PTPRD: variants seen among roughly 807,000 people sequenced by gnomAD.
PTPRD encodes the protein protein tyrosine phosphatase receptor type D, also known as receptor-type tyrosine-protein phosphatase delta.
Under a neutral mutation model 214.5 loss-of-function variants are expected in PTPRD, and 34 were observed. The observed-to-expected ratio is 0.16, with a 90% CI of 0.12 to 0.21. The LOEUF is 0.21. Ranked by LOEUF, PTPRD falls within the 10% of genes least tolerant of loss-of-function variation. The pLI is 1.00. For synonymous variants in PTPRD, 1,128 were observed against 845.7 expected, an observed-to-expected ratio of 1.33 and a Z score of -5.79; for missense variants, 2,545 against 2,398.7, an observed-to-expected ratio of 1.06 and a Z score of -1.27.
At chr9:8,822,101 G>C (rs2097080644) in intron 11 of PTPRD, among the ~76,000 whole-genome samples, 1 of 152,184 alleles carries the variant, frequency 6.6e-6, no homozygotes, top group South Asian at 2.1e-4. Context: ...TTTTGGTTTT[G>C]GTTTTGTTTT....
chr9:9,439,732 A>G (rs570958813), intron 8 of PTPRD, among the ~76,000 whole-genome samples: 3 of 152,342 alleles, frequency 2.0e-5, no homozygotes, highest in African/African-American at 4.8e-5. Flanking sequence ...CCTAAAGACT[A>G]TCACTGTGAA....
At chr9:9,213,018 G>A (rs1165243861) in intron 9 of PTPRD, among the ~76,000 whole-genome samples, 3 of 152,134 alleles carry the variant, frequency 2.0e-5, no homozygotes. Flanking sequence ...GTCAGGTTAA[G>A]AGTAAGATGG....
intron 11 of PTPRD, among the ~76,000 whole-genome samples, chr9:8,755,303 A>G (rs2381897): frequency 0.68 from 103,477 of 151,332 alleles, 35,378 homozygotes; most frequent in Middle Eastern, 0.76. Context: ...GCCGAGGTGG[A>G]CGGATCACAT....
chr9:9,424,280 A>G (rs75424467), intron 8 of PTPRD, among the ~76,000 whole-genome samples: 1,543 of 152,266 alleles, frequency 0.01, 28 homozygotes, highest in East Asian at 0.061. Flanking sequence ...GCACTCCCCA[A>G]ATTCTTATCT....
rs1475852355 is a variant in PTPRD, at chr9:8,315,379, T to A, written c.*2495A>T. On this transcript the variant is annotated 3_prime_UTR_variant, in exon 46 of 46. Coordinates refer to ENST00000381196, the MANE Select transcript of PTPRD (RefSeq NM_002839.4). The stretch of plus-strand genomic sequence containing the variant: ...GCTGCTCATTGGCCAATCATTCTGG[T>A]GTGCAGTGCTCCATCGGATTCTACA... 8.6e-6 allele frequency: 2 copies of A among 232,616 alleles called. No homozygotes were observed. The highest frequency in any genetic ancestry group is 1.7e-5 in the Non-Finnish European group (2 of 117,384). 14.4% of individuals were successfully genotyped at this position (232,616 alleles called of 1,614,324 possible). A position where few individuals can be genotyped will look rare whatever the true frequency, so the allele number is the denominator to read the frequency against.
chr9:8,346,098 C>G (rs1042517162), intron 39 of PTPRD, among the ~76,000 whole-genome samples: 4 of 152,054 alleles, frequency 2.6e-5, no homozygotes, highest in African/African-American at 9.7e-5. Flanking sequence ...ATCTGCTCCT[C>G]CCACTCTCAG....
At chr9:9,837,826 G>C (rs7852728) in intron 5 of PTPRD, among the ~76,000 whole-genome samples, 6,775 of 152,146 alleles carry the variant, frequency 0.045, 189 homozygotes, top group African/African-American at 0.085. Context: ...GTGCAGGTTA[G>C]TTACATATGT....
At chr9:10,218,583 T>G (rs1402151359) in intron 3 of PTPRD, among the ~76,000 whole-genome samples, 1 of 151,826 alleles carries the variant, frequency 6.6e-6, no homozygotes, top group Non-Finnish European at 1.5e-5. Context: ...AGAGATACAG[T>G]GTATACGACC....
At chr9:8,852,806 G>A (rs1242176546) in intron 11 of PTPRD, among the ~76,000 whole-genome samples, 1 of 152,228 alleles carries the variant, frequency 6.6e-6, no homozygotes, top group Non-Finnish European at 1.5e-5. Flanking sequence ...TTTTCAAAAT[G>A]TCATAGGCCA....
At chr9:10,331,805 C>T (rs966017974) in intron 3 of PTPRD, among the ~76,000 whole-genome samples, 13 of 151,936 alleles carry the variant, frequency 8.6e-5, no homozygotes, top group Admixed American at 4.6e-4. Context: ...AAAAATACCT[C>T]TTAGATAAAA....
intron 12 of PTPRD, among the ~76,000 whole-genome samples, chr9:8,689,723 G>A (rs953908675): frequency 6.6e-6 from 1 of 152,084 alleles, no homozygotes; most frequent in Non-Finnish European, 1.5e-5. Flanking sequence ...TATCACACAG[G>A]ATGTAATATC....
chr9:10,401,764 C>G (rs1587336987), intron 2 of PTPRD, among the ~76,000 whole-genome samples: 1 of 150,440 alleles, frequency 6.6e-6, no homozygotes, highest in South Asian at 2.1e-4. Flanking sequence ...ATGGGATACT[C>G]AGGATAATTT....
intron 14 of PTPRD, among the ~76,000 whole-genome samples, chr9:8,566,249 C>G (rs952032248): frequency 6.6e-6 from 1 of 151,860 alleles, no homozygotes; most frequent in South Asian, 2.1e-4. Context: ...ACTGCTTGCT[C>G]TAGGGTTAGG....
intron 7 of PTPRD, among the ~76,000 whole-genome samples, chr9:9,667,687 T>C (rs936255376): frequency 8.5e-5 from 13 of 152,140 alleles, no homozygotes; most frequent in African/African-American, 2.9e-4. Context: ...AGCTGCAACA[T>C]ACTGCTGAAT....
chr9:8,584,563 C>A (rs1431684560), intron 14 of PTPRD, among the ~76,000 whole-genome samples: 3 of 152,054 alleles, frequency 2.0e-5, no homozygotes, highest in African/African-American at 7.2e-5. Flanking sequence ...TTGATTAATG[C>A]CAAGAGGAAA....
chr9:8,537,196 T>C (rs1304064266), intron 14 of PTPRD, among the ~76,000 whole-genome samples: 2 of 151,890 alleles, frequency 1.3e-5, no homozygotes, highest in South Asian at 2.1e-4. Context: ...AGCAAAGAAA[T>C]AAAAGCTAAA....
At chr9:10,504,773 T>C (rs2045329717) in intron 2 of PTPRD, among the ~76,000 whole-genome samples, 1 of 152,228 alleles carries the variant, frequency 6.6e-6, no homozygotes, top group Admixed American at 6.5e-5. Flanking sequence ...CTGTGTCTTC[T>C]TATTCCTAAT....
At chr9:10,519,845 A>C (rs2051561943) in intron 2 of PTPRD, among the ~76,000 whole-genome samples, 1 of 152,034 alleles carries the variant, frequency 6.6e-6, no homozygotes, top group African/African-American at 2.4e-5. Flanking sequence ...AAACTTGATT[A>C]ACTAATGTTA....
intron 2 of PTPRD, among the ~76,000 whole-genome samples, chr9:10,341,456 CA>C (rs1329685863): frequency 2.6e-5 from 4 of 151,698 alleles, no homozygotes; most frequent in African/African-American, 4.8e-5. Flanking sequence ...ATATAGCAAA[CA>C]AATTAGAGTG....
Sources: allele counts gnomAD v4.1 joint callset (sites outside exome capture counted in the v4.1 genomes callset), GRCh38; gene constraint gnomAD v4.1.1; transcripts MANE v1.5; gene names NCBI Gene and HGNC (gene_info 2026-07-23, HGNC 2026-07-21).